The following TTC28 variants were observed in gnomAD, a reference collection of about 807,000 sequenced individuals.
TTC28 encodes tetratricopeptide repeat protein 28.
TTC28 carries 61 observed loss-of-function variants against 198.0 expected under a neutral mutation model. That is an observed-to-expected ratio of 0.31 (90% CI 0.25 to 0.38). TTC28 has a LOEUF of 0.38. Among genes scored for constraint, TTC28 ranks in the 10% least tolerant of loss-of-function variants. The pLI is 1.00. For missense variants in TTC28, 2,678 were observed against 3,164.0 expected, an observed-to-expected ratio of 0.85 and a Z score of 3.69; for synonymous variants, 1,171 against 1,297.8, an observed-to-expected ratio of 0.90 and a Z score of 2.10.
At chr22:28,331,325 A>C (rs2045612961) in intron 2 of TTC28, among the ~76,000 whole-genome samples, 1 of 152,122 alleles carries the variant, frequency 6.6e-6, no homozygotes, top group South Asian at 2.1e-4. Context: ...AAAAAAGTAT[A>C]TATAAGGAAA....
At chr22:28,110,411 G>A (rs1018454006) in intron 6 of TTC28, among the ~76,000 whole-genome samples, 1 of 152,170 alleles carries the variant, frequency 6.6e-6, no homozygotes, top group Non-Finnish European at 1.5e-5. Context: ...TGATAGTGAG[G>A]ATCAAATGAA....
chr22:28,039,003 CA>C (rs1427843568), intron 12 of TTC28, among the ~76,000 whole-genome samples: 2 of 152,042 alleles, frequency 1.3e-5, no homozygotes, highest in Non-Finnish European at 2.9e-5. Context: ...TGGCGATCAT[CA>C]AAAAGTCAGG....
Position 28,417,300 on chromosome 22 carries a change from TAAAAAAAAAAA to T in TTC28, c.382-110668_382-110658del, listed in dbSNP as rs68164494. Among the ~76,000 whole-genome samples the T allele has an allele frequency of 1.1e-4, 5 of 44,668 alleles. No homozygotes were observed. The East Asian group carries it at 3.1e-3, about 28-fold the overall frequency. 29.3% of individuals were successfully genotyped at this position (44,668 alleles called of 152,430 possible). On this transcript the variant is annotated intron_variant, in intron 2 of 22. Transcript: ENST00000397906. ...AAACATAGCAAGACCCTGTCTCTAC[TAAAAAAAAAAA>T]AAAAAAAAAAAAAAAAGGACAGGTG...
chr22:28,492,004 G>A (rs1374752005), intron 2 of TTC28, among the ~76,000 whole-genome samples: 10 of 151,520 alleles, frequency 6.6e-5, no homozygotes, highest in African/African-American at 9.7e-5. Context: ...GCAAACTATC[G>A]CAAGGACAAA....
chr22:28,340,802 A>C (rs941869163), intron 2 of TTC28, among the ~76,000 whole-genome samples: 1 of 152,242 alleles, frequency 6.6e-6, no homozygotes, highest in African/African-American at 2.4e-5. Flanking sequence ...AGACCAAAGA[A>C]AAAGTCAAAA....
At chr22:28,171,799 A>G (rs1922707083) in intron 5 of TTC28, among the ~76,000 whole-genome samples, 1 of 152,160 alleles carries the variant, frequency 6.6e-6, no homozygotes, top group Non-Finnish European at 1.5e-5. Context: ...ACAATGCTGC[A>G]GCAGTGTGCT....
At chr22:28,570,150 A>G (rs2050038505) in intron 2 of TTC28, among the ~76,000 whole-genome samples, 1 of 152,208 alleles carries the variant, frequency 6.6e-6, no homozygotes, top group Non-Finnish European at 1.5e-5. Flanking sequence ...AGCAGTTTGG[A>G]GATTTCTCAA....
chr22:28,213,885 C>T (rs1927145683), intron 5 of TTC28, among the ~76,000 whole-genome samples: 1 of 152,138 alleles, frequency 6.6e-6, no homozygotes, highest in South Asian at 2.1e-4. Context: ...AACTATAGTA[C>T]AAGGCTACAG....
intron 3 of TTC28, among the ~76,000 whole-genome samples, chr22:28,300,199 G>A (rs1296354187): frequency 1.3e-5 from 2 of 152,176 alleles, no homozygotes; most frequent in Non-Finnish European, 2.9e-5. Flanking sequence ...TAGGGAAAAT[G>A]GGAAAATTAG....
chr22:28,074,556 A>G (rs1461196026), intron 12 of TTC28, among the ~76,000 whole-genome samples: 1 of 152,222 alleles, frequency 6.6e-6, no homozygotes, highest in Non-Finnish European at 1.5e-5. Context: ...CCAGGTGTTC[A>G]GGGCATCTAA....
intron 2 of TTC28, among the ~76,000 whole-genome samples, chr22:28,549,093 T>G (rs973362527): frequency 6.6e-6 from 1 of 152,148 alleles, no homozygotes; most frequent in Non-Finnish European, 1.5e-5. Context: ...AGTGGCACGA[T>G]CTCAGCTCAC....
intron 6 of TTC28, among the ~76,000 whole-genome samples, chr22:28,147,951 T>G (rs1324906072): frequency 6.6e-6 from 1 of 152,210 alleles, no homozygotes; most frequent in Non-Finnish European, 1.5e-5. Flanking sequence ...ATACAGAGAA[T>G]AGACTATTAA....
chr22:28,002,883 C>T (rs1483582672), intron 14 of TTC28, among the ~76,000 whole-genome samples: 1 of 152,084 alleles, frequency 6.6e-6, no homozygotes, highest in Non-Finnish European at 1.5e-5. Context: ...ACTCAGGAGG[C>T]TGAGGCAGGA....
At chr22:28,141,856 C>T (rs1367449193) in intron 6 of TTC28, among the ~76,000 whole-genome samples, 1 of 152,200 alleles carries the variant, frequency 6.6e-6, no homozygotes, top group Admixed American at 6.5e-5. Flanking sequence ...TCTTCTGACT[C>T]ACCAAGAAAA....
chr22:28,371,322 C>A (rs2046327571), intron 2 of TTC28, among the ~76,000 whole-genome samples: 1 of 148,254 alleles, frequency 6.7e-6, no homozygotes, highest in Non-Finnish European at 1.5e-5. Context: ...TCAGCCTGGG[C>A]AACATGGCAA....
intron 22 of TTC28, 129 bp downstream of exon 22, chr22:27,985,120 C>G: frequency 1.5e-6 from 1 of 664,898 alleles, no homozygotes; most frequent in Non-Finnish European, 2.6e-6. Flanking sequence ...CTAACTGTTC[C>G]CTAACAAACA....
intron 12 of TTC28, among the ~76,000 whole-genome samples, chr22:28,051,102 TAGGGAAGTTA>T (rs1940069153): frequency 1.3e-5 from 2 of 152,126 alleles, no homozygotes; most frequent in South Asian, 4.2e-4. Context: ...CAACCGGGGG[TAGGGAAGTTA>T]TTTTTCATAT....
intron 12 of TTC28, among the ~76,000 whole-genome samples, chr22:28,048,151 C>G (rs184639949): frequency 6.6e-6 from 1 of 151,666 alleles, no homozygotes; most frequent in Non-Finnish European, 1.5e-5. Flanking sequence ...GGGTTCCTGG[C>G]CTCTGAGAAG....
At chr22:28,140,870 T>C (rs568325924) in intron 6 of TTC28, among the ~76,000 whole-genome samples, 1 of 151,364 alleles carries the variant, frequency 6.6e-6, no homozygotes, top group East Asian at 2.0e-4. Flanking sequence ...GTAAATACTA[T>C]AAACTCTGGT....
Sources: gnomAD v4.1 joint callset for allele counts (sites outside exome capture counted in the v4.1 genomes callset) on GRCh38, gnomAD v4.1.1 for gene constraint, MANE v1.5 for transcripts, NCBI Gene and HGNC (gene_info 2026-07-23, HGNC 2026-07-21) for gene names.